Variants in SNX22 observed in about 807,000 individuals in gnomAD.
SNX22 encodes sorting nexin 22, also known as sorting nexin-22.
In SNX22, 23 loss-of-function variants were observed where a neutral mutation model predicts 24.7. The ratio of observed to expected loss-of-function variants is 0.93; its 90% CI spans 0.67 to 1.32. The LOEUF (loss-of-function observed/expected upper bound fraction) is 1.32. Ranked by LOEUF, SNX22 falls within the 40% of genes most tolerant of loss-of-function variation. The probability of loss-of-function intolerance (pLI) is 0.00; values close to 1 mark genes in which losing one functional copy is unlikely to be tolerated. For missense variants in SNX22, 261 were observed against 249.9 expected, an observed-to-expected ratio of 1.04 and a Z score of -0.30; for synonymous variants, 99 against 104.0, an observed-to-expected ratio of 0.95 and a Z score of 0.29.
chr15:64,155,589 G>T lies in SNX22; in HGVS notation c.*1081G>T. 2 of 241,340 alleles carry T rather than the reference G, an allele frequency of 8.3e-6. No homozygotes were observed. Among genetic ancestry groups the T allele is most frequent in the Non-Finnish European group, 1.6e-5 (2 of 122,046 alleles). 14.9% of individuals were successfully genotyped at this position (241,340 alleles called of 1,614,324 possible). Reference sequence around the variant, plus strand: ...CAGATACATCCCTTAACATAGACTGGAGGGTGGTGGCAAGGGGAGCAAATG... The same window carrying T: ...CAGATACATCCCTTAACATAGACTGTAGGGTGGTGGCAAGGGGAGCAAATG... On this transcript the variant is annotated 3_prime_UTR_variant, in exon 7 of 7. Coordinates refer to ENST00000325881, the MANE Select transcript of SNX22 (RefSeq NM_024798.3).
At chr15:64,154,300 C>T (rs2014569382) in intron 6 of SNX22, 87 bp from the exon 7 acceptor site, 1 of 1,590,880 alleles carries the variant, frequency 6.3e-7, no homozygotes, top group African/African-American at 1.3e-5. Flanking sequence ...GGCAGGGGCT[C>T]CTACTCCCAA....
Position 64,154,721 on chromosome 15 carries a change from C to A in SNX22, c.*213C>A. ...TGCTCTTAGAGCCCAACAGCCAAGG[C>A]AGGGTCAAGAAGATAAGTAATAAAA... On this transcript the variant is annotated 3_prime_UTR_variant, in exon 7 of 7. Coordinates refer to ENST00000325881, the MANE Select transcript of SNX22 (RefSeq NM_024798.3). 2 of 534,100 alleles carry A rather than the reference C, an allele frequency of 3.7e-6. No individual in the cohort carries two copies. The highest frequency in any genetic ancestry group is 6.4e-6 in the Non-Finnish European group (2 of 310,872). The allele number at this position is 534,100 out of a possible 1,614,324, so 33.1% of individuals were successfully genotyped here.
Position 64,156,319 on chromosome 15 carries a change from A to G in SNX22, c.*1811A>G, listed in dbSNP as rs764795763. On this transcript the variant is annotated 3_prime_UTR_variant, in exon 7 of 7. Transcript: ENST00000325881. The surrounding 1 kb of genome is among the most constrained non-coding windows in gnomAD (Gnocchi z 6.4). ...CCTGGCCAGAGCAGGGAGAATGCAG[A>G]TTTGACGAGGGGGTACAGGAATTTT... is the stretch of plus-strand genomic sequence containing the variant. 2.7e-5 allele frequency: 24 copies of G among 875,286 alleles called. No individual in the cohort carries two copies. Among genetic ancestry groups the G allele is most frequent in the Non-Finnish European group, 4.4e-5 (24 of 550,018 alleles). 54.2% of individuals were successfully genotyped at this position (875,286 alleles called of 1,614,324 possible). A position where few individuals can be genotyped will look rare whatever the true frequency, so the allele number is the denominator to read the frequency against.
Position 64,151,765 on chromosome 15 carries a change from C to A in SNX22, c.-11C>A. The A allele has an allele frequency of 6.5e-7, 1 of 1,531,280 alleles. No individual in the cohort carries two copies. Among genetic ancestry groups the A allele is most frequent in the Non-Finnish European group, 8.8e-7 (1 of 1,141,676 alleles). 94.9% of individuals were successfully genotyped at this position (1,531,280 alleles called of 1,614,324 possible). On this transcript the variant is annotated 5_prime_UTR_variant, in exon 1 of 7. Transcript: ENST00000325881. ...AGCCGAGCGCGCGGAGCAGCTGGGG[C>A]CGGGGCGCGGATGCTGGAAGTTCAC...
chr15:64,153,573 C>G, intron 4 of SNX22, 79 bp from the exon 5 acceptor site: 1 of 1,587,738 alleles, frequency 6.3e-7, no homozygotes, highest in Non-Finnish European at 8.6e-7. Context: ...AGGTGCAGTT[C>G]TGGGCTCTGG....
chr15:64,153,565 G>A (rs1380761190), intron 4 of SNX22, 87 bp from the exon 5 acceptor site: 1 of 1,564,398 alleles, frequency 6.4e-7, no homozygotes, highest in Non-Finnish European at 8.8e-7. Flanking sequence ...CCCCTGGGAG[G>A]TGCAGTTCTG....
Position 64,154,757 on chromosome 15 carries a change from G to C in SNX22, c.*249G>C, listed in dbSNP as rs531991449. Reference sequence around the variant, plus strand: ...AGATAAGTAATAAAAGAGGAAGTCAGCCAGGCGCGGTGGCTCATGCCTGTA... The same window carrying C: ...AGATAAGTAATAAAAGAGGAAGTCACCCAGGCGCGGTGGCTCATGCCTGTA... On this transcript the variant is annotated 3_prime_UTR_variant, in exon 7 of 7. Coordinates refer to ENST00000325881, the MANE Select transcript of SNX22 (RefSeq NM_024798.3). 1 of 377,840 alleles carries C rather than the reference G, an allele frequency of 2.6e-6. No individual in the cohort carries two copies. Among genetic ancestry groups the C allele is most frequent in the African/African-American group, 2.1e-5 (1 of 48,262 alleles). 23.4% of individuals were successfully genotyped at this position (377,840 alleles called of 1,614,324 possible).
At chr15:64,152,840 C>G in intron 3 of SNX22, 98 bp downstream of exon 3, 1 of 1,034,060 alleles carries the variant, frequency 9.7e-7, no homozygotes, top group Non-Finnish European at 1.5e-6. Context: ...GAACCCACAA[C>G]TTGGGGATGT....
chr15:64,156,095 G>T lies in SNX22; in HGVS notation c.*1587G>T, dbSNP rs779488612. On this transcript the variant is annotated 3_prime_UTR_variant, in exon 7 of 7. Transcript: ENST00000325881. This position sits in a 1 kb window ranked among gnomAD's most constrained non-coding sequence, Gnocchi z 6.4. ...AGTCTGCGATGATCACATCCTTCAG[G>T]GGTTTATCCCGGCTGTCTGTCTTGG... 4 of 1,614,030 alleles carry T rather than the reference G, an allele frequency of 2.5e-6. No homozygotes were observed. In the Admixed American group the frequency reaches 5.0e-5, roughly 20 times the overall value.
At position 64,156,622 on chromosome 15, in the gene SNX22, G is replaced by T; in HGVS notation, c.*2114G>T. ...GCACTGGGCTGCATCTGTGGGTTGG[G>T]TCCTTTTGGGAAAGGGATGGACACA... On this transcript the variant is annotated 3_prime_UTR_variant, in exon 7 of 7. Transcript: ENST00000325881. The surrounding 1 kb of genome is among the most constrained non-coding windows in gnomAD (Gnocchi z 6.4). 1 of 1,398,566 alleles carries T rather than the reference G, an allele frequency of 7.2e-7. No individual in the cohort carries two copies. Among genetic ancestry groups the T allele is most frequent in the Non-Finnish European group, 1.0e-6 (1 of 984,366 alleles). 86.6% of individuals were successfully genotyped at this position (1,398,566 alleles called of 1,614,324 possible).
Position 64,153,104 on chromosome 15 carries a change from G to C in SNX22, c.265-141G>C, listed in dbSNP as rs1329333645. 7.8e-6 allele frequency: 8 copies of C among 1,023,104 alleles called. No homozygotes were observed. In the South Asian group the frequency reaches 1.3e-4, roughly 16 times the overall value. The allele number at this position is 1,023,104 out of a possible 1,614,324, so 63.4% of individuals were successfully genotyped here. ...TGCACACAGCGCCCAGCGCCCAGAA[G>C]GGCCCTGAGCCTGGTTCAACGCTCT... is the stretch of plus-strand genomic sequence containing the variant. On this transcript the variant is annotated intron_variant, in intron 3 of 6. Transcript: ENST00000325881.
chr15:64,155,970 G>T lies in SNX22; in HGVS notation c.*1462G>T. 6.2e-7 allele frequency: 1 copy of T among 1,613,322 alleles called. No homozygotes were observed. The stretch of plus-strand genomic sequence containing the variant: ...GGCCAGTGCAGCTCAGAGCCCTGTG[G>T]CGGACTACAGGGCCTGCACAGACGG... On this transcript the variant is annotated 3_prime_UTR_variant, in exon 7 of 7. Coordinates refer to ENST00000325881, the MANE Select transcript of SNX22 (RefSeq NM_024798.3).
Position 64,152,707 on chromosome 15 carries a change from G to T in SNX22, c.229G>T (p.Glu77Ter). Residue 77 changes from glutamate (E) to a stop codon, truncating the protein, a stop_gained, in exon 3 of 7, where the codon GAA becomes TAA. Transcript: ENST00000325881. LOFTEE classifies it high-confidence loss of function. The part of the protein sequence containing the change: ...RLPNWRTRGL[E>*]QRRQGLEAYI... ...GCCCAACTGGAGGACCAGAGGGTTG[G>T]AACAGCGCCGGCAGGGCTTGGAGGC... 6.2e-7 allele frequency: 1 copy of T among 1,614,236 alleles called. No homozygotes were observed. The highest frequency in any genetic ancestry group is 8.5e-7 in the Non-Finnish European group (1 of 1,180,040).
chr15:64,155,634 A>G lies in SNX22; in HGVS notation c.*1126A>G, dbSNP rs1317036717. ...CAAATGTGGAGGCCCAGTAGCTGGC[A>G]AAGTTTAGAAGCAGGGGGCAAAAGC... is the stretch of plus-strand genomic sequence containing the variant. On this transcript the variant is annotated 3_prime_UTR_variant, in exon 7 of 7. Transcript: ENST00000325881. The G allele has an allele frequency of 3.7e-6, 1 of 272,528 alleles. No individual in the cohort carries two copies. Among genetic ancestry groups the G allele is most frequent in the Non-Finnish European group, 7.1e-6 (1 of 140,004 alleles). 16.9% of individuals were successfully genotyped at this position (272,528 alleles called of 1,614,324 possible). A position where few individuals can be genotyped will look rare whatever the true frequency, so the allele number is the denominator to read the frequency against.
In SNX22 at chr15:64,153,245, G is replaced by C; in HGVS notation, c.265G>C (p.Gly89Arg). ...RRQGLEAYIQ[G>R]ILYLNQEVPK... ...TGCAGGTCTCCTCTGTCCTCTCCAG[G>C]GCATCCTGTACCTGAACCAGGAGGT... is the stretch of plus-strand genomic sequence containing the variant. The change falls in exon 4 of 7, where the codon GGC becomes CGC. Residue 89 changes from glycine to arginine, a missense_variant and splice_region_variant. By Grantham distance (125) the Gly-to-Arg change is moderately radical. Transcript: ENST00000325881. 1 of 1,614,150 alleles carries C rather than the reference G, an allele frequency of 6.2e-7. No homozygotes were observed. Among genetic ancestry groups the C allele is most frequent in the South Asian group, 1.1e-5 (1 of 91,080 alleles).
chr15:64,155,345 A>G lies in SNX22; in HGVS notation c.*837A>G, dbSNP rs1385874988. The G allele has an allele frequency of 6.5e-6, 1 of 152,836 alleles. No homozygotes were observed. Among genetic ancestry groups the G allele is most frequent in the Non-Finnish European group, 1.5e-5 (1 of 68,862 alleles). 9.5% of individuals were successfully genotyped at this position (152,836 alleles called of 1,614,324 possible). The stretch of plus-strand genomic sequence containing the variant: ...GCCACTGCACTCCAGCCTGGGCAAC[A>G]AGAGTGAAACTCCGTCTCAAAATAA... On this transcript the variant is annotated 3_prime_UTR_variant, in exon 7 of 7. Transcript: ENST00000325881.
At position 64,156,634 on chromosome 15, in the gene SNX22, A is replaced by G. The variant is rs764378674; in HGVS notation, c.*2126A>G. Reference sequence around the variant, plus strand: ...ATCTGTGGGTTGGGTCCTTTTGGGAAAGGGATGGACACATGGAGCTCCTGC... The same window carrying G: ...ATCTGTGGGTTGGGTCCTTTTGGGAGAGGGATGGACACATGGAGCTCCTGC... On this transcript the variant is annotated 3_prime_UTR_variant, in exon 7 of 7. Coordinates refer to ENST00000325881, the MANE Select transcript of SNX22 (RefSeq NM_024798.3). This position sits in a 1 kb window ranked among gnomAD's most constrained non-coding sequence, Gnocchi z 6.4. 6.6e-7 allele frequency: 1 copy of G among 1,504,552 alleles called. No individual in the cohort carries two copies. Among genetic ancestry groups the G allele is most frequent in the Non-Finnish European group, 9.3e-7 (1 of 1,080,956 alleles). The allele number at this position is 1,504,552 out of a possible 1,614,324, so 93.2% of individuals were successfully genotyped here.
chr15:64,152,081 C>A (rs1208717603), intron 1 of SNX22, 162 bp from the exon 2 acceptor site: 8 of 797,714 alleles, frequency 1.0e-5, no homozygotes, highest in Non-Finnish European at 1.5e-5. Context: ...CCAGCCGGTT[C>A]TCCCAGGTGT....
rs569408897 is a variant in SNX22, at chr15:64,154,910, C to T, written c.*402C>T. On this transcript the variant is annotated 3_prime_UTR_variant, in exon 7 of 7. Coordinates refer to ENST00000325881, the MANE Select transcript of SNX22 (RefSeq NM_024798.3). Reference sequence around the variant, plus strand: ...AAATTAGCCGGGCATTGTGGTGGTGCATGCCTGTAATCCCAGCTACTCGGG... The same window carrying T: ...AAATTAGCCGGGCATTGTGGTGGTGTATGCCTGTAATCCCAGCTACTCGGG... 14 of 153,082 alleles carry T rather than the reference C, an allele frequency of 9.1e-5. No individual in the cohort carries two copies. The South Asian group carries it at 2.7e-3, about 30-fold the overall frequency. The allele number at this position is 153,082 out of a possible 1,614,324, so 9.5% of individuals were successfully genotyped here. A position where few individuals can be genotyped will look rare whatever the true frequency, so the allele number is the denominator to read the frequency against.
Sources: allele counts gnomAD v4.1 joint callset, GRCh38; gene constraint gnomAD v4.1.1; non-coding constraint Gnocchi (gnomAD v3.1); transcripts MANE v1.5; gene names NCBI Gene and HGNC (gene_info 2026-07-23, HGNC 2026-07-21).